PLCE1: variants seen among roughly 807,000 people sequenced by gnomAD.
PLCE1 encodes phospholipase C epsilon 1, also known as 1-phosphatidylinositol 4,5-bisphosphate phosphodiesterase epsilon-1.
In PLCE1, 119 loss-of-function variants were observed where a neutral mutation model predicts 242.8. The observed-to-expected ratio is 0.49, with a 90% CI of 0.42 to 0.57. The LOEUF is 0.57. Among genes scored for constraint, PLCE1 ranks in the 20% least tolerant of loss-of-function variants. The pLI is 0.00. For missense variants in PLCE1, 2,441 were observed against 2,788.8 expected (o/e 0.88, Z 2.81); for synonymous variants, 945 against 1,017.4 (o/e 0.93, Z 1.35).
chr10:94,226,833 T>C (rs7083084), intron 4 of PLCE1, among the ~76,000 whole-genome samples: 43,064 of 87,666 alleles, frequency 0.49, 8,507 homozygotes, highest in East Asian at 0.74. Context: ...CTATAGGTCT[T>C]TTTTTTTTTT....
intron 2 of PLCE1, chr10:94,089,354 G>A (rs758150696): frequency 6.2e-7 from 1 of 1,608,970 alleles, no homozygotes; most frequent in East Asian, 2.2e-5. Flanking sequence ...GGATGTGGAT[G>A]CTGGAGGCTT....
chr10:94,043,605 C>G, intron 2 of PLCE1, among the ~76,000 whole-genome samples: 1 of 152,072 alleles, frequency 6.6e-6, no homozygotes, highest in East Asian at 1.9e-4. Flanking sequence ...ATTTTTGTAC[C>G]CTTCCATCAG....
At chr10:94,167,029 C>G (rs771323064) in intron 3 of PLCE1, among the ~76,000 whole-genome samples, 6 of 152,176 alleles carry the variant, frequency 3.9e-5, no homozygotes, top group Non-Finnish European at 8.8e-5. Flanking sequence ...GTGGCTCACA[C>G]CTGTAATCCT....
chr10:94,201,641 A>G (rs2689702), intron 4 of PLCE1, among the ~76,000 whole-genome samples: 41,667 of 151,878 alleles, frequency 0.27, 7,135 homozygotes, highest in Non-Finnish European at 0.39. Flanking sequence ...AAGCCCGGCT[A>G]ATTTTTTTTG....
In PLCE1 at chr10:94,306,090, G is replaced by GA. The variant is rs1425543344; in HGVS notation, c.5623-337_5623-336insA. ...GGGTTCAAGCAATTCCCCTGCCTCA[G>GA]CCTCCCTAATAGCTGGGACTACAGG... On this transcript the variant is annotated intron_variant, in intron 25 of 32. Transcript: ENST00000371380. The surrounding 1 kb of genome is among the most constrained non-coding windows in gnomAD (Gnocchi z 5.7). Among the ~76,000 whole-genome samples the GA allele has an allele frequency of 6.6e-6, 1 of 151,962 alleles. No homozygotes were observed. Among genetic ancestry groups the GA allele is most frequent in the East Asian group, 1.9e-4 (1 of 5,142 alleles).
intron 2 of PLCE1, chr10:94,108,951 A>G (rs950363396): frequency 1.1e-4 from 16 of 152,238 alleles, no homozygotes; most frequent in African/African-American, 3.6e-4. Flanking sequence ...TATTTGATAG[A>G]CTTCCTTTTC....
intron 1 of PLCE1, among the ~76,000 whole-genome samples, chr10:94,015,067 C>T (rs560704286): frequency 2.0e-5 from 3 of 152,306 alleles, no homozygotes; most frequent in African/African-American, 7.2e-5. Context: ...TCTGTCAAAA[C>T]CTCAGTTTTC....
intron 2 of PLCE1, among the ~76,000 whole-genome samples, chr10:94,038,723 T>G (rs886478317): frequency 1.3e-5 from 2 of 152,204 alleles, no homozygotes; most frequent in African/African-American, 4.8e-5. Flanking sequence ...GCTTTATTGA[T>G]GTATAATTCA....
chr10:94,108,247 G>C (rs1310756876), intron 2 of PLCE1: 1 of 152,278 alleles, frequency 6.6e-6, no homozygotes, highest in Non-Finnish European at 1.5e-5. Flanking sequence ...CCTGCAGCCA[G>C]TGCCCCAAGT....
At chr10:94,300,918 A>G (rs1055206026) in intron 24 of PLCE1, among the ~76,000 whole-genome samples, 13 of 152,062 alleles carry the variant, frequency 8.5e-5, no homozygotes, top group African/African-American at 3.1e-4. Context: ...AAAACAAAAT[A>G]GTGGGGCTTG....
intron 2 of PLCE1, among the ~76,000 whole-genome samples, chr10:94,085,845 A>T (rs1032369580): frequency 2.6e-5 from 4 of 152,234 alleles, no homozygotes; most frequent in African/African-American, 4.8e-5. Flanking sequence ...CTGGGTAAGT[A>T]TAGTCTTCAT....
intron 1 of PLCE1, among the ~76,000 whole-genome samples, chr10:94,012,130 C>T (rs545968781): frequency 9.9e-5 from 15 of 152,186 alleles, no homozygotes; most frequent in East Asian, 3.9e-4. Context: ...CAGGCAATTG[C>T]GAATCAGTAA....
chr10:94,266,077 A>G, intron 16 of PLCE1, 119 bp downstream of exon 16: 1 of 895,304 alleles, frequency 1.1e-6, no homozygotes. Flanking sequence ...AAGCTATTAC[A>G]TGTCAAATGT....
chr10:94,232,879 T>C (rs1280595826), intron 5 of PLCE1, among the ~76,000 whole-genome samples: 1 of 152,098 alleles, frequency 6.6e-6, no homozygotes, highest in African/African-American at 2.4e-5. Context: ...TAGCCTCAAA[T>C]CTTTAGGCAA....
At chr10:94,194,704 G>A (rs192478837) in intron 4 of PLCE1, among the ~76,000 whole-genome samples, 83 of 152,278 alleles carry the variant, frequency 5.5e-4, no homozygotes, top group African/African-American at 1.8e-3. Context: ...CTGTAAAGTG[G>A]TGCTTATAAC....
intron 22 of PLCE1, chr10:94,286,711 T>A (rs2133364427): frequency 6.6e-6 from 1 of 152,292 alleles, no homozygotes; most frequent in African/African-American, 2.4e-5. Flanking sequence ...CAGCAAAGAT[T>A]TCAGAGAAAT....
At chr10:94,060,058 G>A (rs2044006906) in intron 2 of PLCE1, among the ~76,000 whole-genome samples, 1 of 152,186 alleles carries the variant, frequency 6.6e-6, no homozygotes, top group African/African-American at 2.4e-5. Context: ...TATCCACATG[G>A]ACAGGTCTTT....
intron 1 of PLCE1, among the ~76,000 whole-genome samples, chr10:94,000,809 G>A (rs2060917109): frequency 6.6e-6 from 1 of 152,126 alleles, no homozygotes; most frequent in Admixed American, 6.5e-5. Flanking sequence ...CAGCCGCAGC[G>A]CCCTGAAGTC....
Position 94,255,914 on chromosome 10 carries a change from A to ACTCTCT in PLCE1, c.3554+903_3554+908dup, listed in dbSNP as rs111704161. 1.1e-3 allele frequency among the ~76,000 whole-genome samples: 71 copies of ACTCTCT among 67,328 alleles called. 1 individual carries two copies. In the East Asian group the frequency reaches 0.025, roughly 23 times the overall value. The allele number at this position is 67,328 out of a possible 152,430, so 44.2% of individuals were successfully genotyped here. A position where few individuals can be genotyped will look rare whatever the true frequency, so the allele number is the denominator to read the frequency against. On this transcript the variant is annotated intron_variant, in intron 11 of 32. Coordinates refer to ENST00000371380, the MANE Select transcript of PLCE1 (RefSeq NM_016341.4). ...CACACACACACACACACACACACAC[A>ACTCTCT]CTCTCTCTCTCTCTCTCTCTCTCTC...
Sources: allele counts gnomAD v4.1 joint callset (sites outside exome capture counted in the v4.1 genomes callset), GRCh38; gene constraint gnomAD v4.1.1; non-coding constraint Gnocchi (gnomAD v3.1); transcripts MANE v1.5; gene names NCBI Gene and HGNC (gene_info 2026-07-23, HGNC 2026-07-21).